The following AGBL1 variants were observed in gnomAD, a reference collection of about 807,000 sequenced individuals.
The protein encoded by AGBL1 is cytosolic carboxypeptidase 4.
AGBL1 carries 130 observed loss-of-function variants against 118.9 expected under a neutral mutation model. The observed-to-expected ratio is 1.09, with a 90% CI of 0.95 to 1.26. The LOEUF (loss-of-function observed/expected upper bound fraction) is 1.26, where lower values mean the gene tolerates loss of function less well. Ranked by LOEUF, AGBL1 falls within the 50% of genes most tolerant of loss-of-function variation. The pLI is 0.00. For synonymous variants in AGBL1, 555 were observed against 478.9 expected, an observed-to-expected ratio of 1.16 and a Z score of -2.08; for missense variants, 1,584 against 1,298.1, an observed-to-expected ratio of 1.22 and a Z score of -3.38.
intron 15 of AGBL1, among the ~76,000 whole-genome samples, chr15:86,276,171 T>G (rs991570387): frequency 1.3e-5 from 2 of 152,236 alleles, no homozygotes; most frequent in Non-Finnish European, 2.9e-5. Context: ...TTTTTTCTAT[T>G]ATTTTAGACT....
intron 18 of AGBL1, among the ~76,000 whole-genome samples, chr15:86,513,949 A>G (rs190660020): frequency 7.8e-4 from 119 of 152,124 alleles, no homozygotes; most frequent in East Asian, 1.4e-3. Flanking sequence ...TCTGTTCCAG[A>G]CTGATATTCT....
intron 1 of AGBL1, among the ~76,000 whole-genome samples, chr15:86,124,327 C>CT (rs1186725146): frequency 7.7e-5 from 7 of 90,562 alleles, no homozygotes; most frequent in African/African-American, 4.8e-4. Flanking sequence ...GAGACTCTGT[C>CT]TCAAAAAAAA....
At chr15:86,567,114 T>C (rs534990569) in intron 21 of AGBL1, among the ~76,000 whole-genome samples, 1 of 152,222 alleles carries the variant, frequency 6.6e-6, no homozygotes, top group African/African-American at 2.4e-5. Flanking sequence ...TCTTTTTCTA[T>C]TTTAGATAAA....
At chr15:86,083,051 C>T (rs1895392552) in intron 1 of AGBL1, among the ~76,000 whole-genome samples, 1 of 152,226 alleles carries the variant, frequency 6.6e-6, no homozygotes, top group African/African-American at 2.4e-5. Context: ...CTGAAAAGCG[C>T]TTGTAAACTC....
intron 22 of AGBL1, among the ~76,000 whole-genome samples, chr15:86,852,392 C>G (rs1320790333): frequency 6.6e-6 from 1 of 152,126 alleles, no homozygotes; most frequent in East Asian, 1.9e-4. Flanking sequence ...ATGTGGATTA[C>G]AATTGGAGAT....
chr15:86,373,349 GA>G (rs1239137126), intron 17 of AGBL1, among the ~76,000 whole-genome samples: 1 of 152,220 alleles, frequency 6.6e-6, no homozygotes, highest in African/African-American at 2.4e-5. Context: ...CATGGGCAGA[GA>G]AATCACCTTG....
intron 19 of AGBL1, among the ~76,000 whole-genome samples, chr15:86,539,263 C>G (rs536056119): frequency 3.3e-5 from 5 of 152,316 alleles, no homozygotes; most frequent in Middle Eastern, 3.4e-3. Context: ...CAATCATTGC[C>G]TGTTTACTTA....
chr15:87,014,656 G>T (rs74025790), intron 24 of AGBL1, among the ~76,000 whole-genome samples: 3 of 152,144 alleles, frequency 2.0e-5, no homozygotes, highest in East Asian at 3.9e-4. Flanking sequence ...AGAAGGAAGA[G>T]GTACAGAAGA....
intron 18 of AGBL1, among the ~76,000 whole-genome samples, chr15:86,436,609 C>T (rs1291714365): frequency 1.3e-5 from 2 of 152,076 alleles, no homozygotes; most frequent in Non-Finnish European, 2.9e-5. Flanking sequence ...GTGACGAAGA[C>T]CAGAGACATG....
intron 1 of AGBL1, among the ~76,000 whole-genome samples, chr15:86,107,882 G>A (rs919137018): frequency 1.1e-4 from 16 of 152,260 alleles, no homozygotes; most frequent in Middle Eastern, 6.8e-3. Context: ...GCATCCATAT[G>A]GGTTCCAATT....
intron 22 of AGBL1, among the ~76,000 whole-genome samples, chr15:86,847,481 C>T (rs547498323): frequency 3.0e-4 from 46 of 152,156 alleles, no homozygotes; most frequent in African/African-American, 9.9e-4. Context: ...ATCTGTTTCC[C>T]CTTCATAGGT....
chr15:86,166,720 G>T (rs555172354), intron 5 of AGBL1, among the ~76,000 whole-genome samples: 1 of 152,288 alleles, frequency 6.6e-6, no homozygotes, highest in African/African-American at 2.4e-5. Flanking sequence ...TCCCATTGCT[G>T]GTTCTGTATT....
intron 22 of AGBL1, among the ~76,000 whole-genome samples, chr15:86,730,042 T>C (rs1335941051): frequency 2.6e-5 from 4 of 152,240 alleles, no homozygotes; most frequent in African/African-American, 7.2e-5. Flanking sequence ...CATTTTTTCA[T>C]GTATTTGTTG....
intron 18 of AGBL1, among the ~76,000 whole-genome samples, chr15:86,428,779 A>T (rs1452889141): frequency 6.6e-6 from 1 of 152,266 alleles, no homozygotes; most frequent in African/African-American, 2.4e-5. Context: ...AATTAGGAAT[A>T]AACTGAGTCT....
At chr15:86,234,440 A>G (rs934806614) in intron 6 of AGBL1, among the ~76,000 whole-genome samples, 1 of 149,582 alleles carries the variant, frequency 6.7e-6, no homozygotes, top group Non-Finnish European at 1.5e-5. Context: ...AGTCCCAGCT[A>G]TTTGGGAGGC....
intron 23 of AGBL1, among the ~76,000 whole-genome samples, chr15:86,923,892 G>T (rs979199029): frequency 4.6e-5 from 7 of 152,174 alleles, no homozygotes; most frequent in African/African-American, 1.7e-4. Context: ...AAAGCCATGT[G>T]ATTTGGACGA....
At chr15:86,157,207 C>T (rs191389743) in intron 4 of AGBL1, among the ~76,000 whole-genome samples, 3 of 152,216 alleles carry the variant, frequency 2.0e-5, no homozygotes, top group Admixed American at 2.0e-4. Context: ...CAGATGGAGC[C>T]TCTACTCACC....
intron 15 of AGBL1, among the ~76,000 whole-genome samples, chr15:86,275,641 T>G (rs1309186164): frequency 6.6e-6 from 1 of 152,204 alleles, no homozygotes; most frequent in Non-Finnish European, 1.5e-5. Flanking sequence ...TCTTTATGAT[T>G]ATAAAAGTGC....
At chr15:86,656,051 G>A (rs916314050) in intron 21 of AGBL1, among the ~76,000 whole-genome samples, 6 of 152,128 alleles carry the variant, frequency 3.9e-5, no homozygotes, top group African/African-American at 1.4e-4. Flanking sequence ...AATAATGTAC[G>A]GAGCATGAAG....
Sources: gnomAD v4.1 joint callset for allele counts (sites outside exome capture counted in the v4.1 genomes callset) on GRCh38, gnomAD v4.1.1 for gene constraint, MANE v1.5 for transcripts, NCBI Gene and HGNC (gene_info 2026-07-23, HGNC 2026-07-21) for gene names.